Variants in RABGAP1L observed in about 807,000 individuals in gnomAD.
RABGAP1L encodes rab GTPase-activating protein 1-like.
Under a neutral mutation model 137.7 loss-of-function variants are expected in RABGAP1L, and 63 were observed. That is an observed-to-expected ratio of 0.46 (90% CI 0.37 to 0.56). RABGAP1L has a LOEUF of 0.56. RABGAP1L is among the 20% of genes least tolerant of loss of function. The probability of loss-of-function intolerance (pLI) is 0.00; values close to 1 mark genes in which losing one functional copy is unlikely to be tolerated. For missense variants in RABGAP1L, 1,095 were observed against 1,244.0 expected, an observed-to-expected ratio of 0.88 and a Z score of 1.80; for synonymous variants, 431 against 433.7, an observed-to-expected ratio of 0.99 and a Z score of 0.08.
Position 174,816,372 on chromosome 1 carries a change from C to A in RABGAP1L, c.2340+4412C>A, listed in dbSNP as rs528230326. On this transcript the variant is annotated intron_variant, in intron 19 of 25. Coordinates refer to ENST00000681986, the MANE Select transcript of RABGAP1L (RefSeq NM_001366446.1). ...TCTCCATCAGGCTAGTCTCATACTC[C>A]CGACCTCAGGTTATCCACCCCCCTT... is the stretch of plus-strand genomic sequence containing the variant. 5.8e-4 allele frequency among the ~76,000 whole-genome samples: 88 copies of A among 152,068 alleles called. 2 individuals carry two copies. The South Asian group carries it at 0.011, about 18-fold the overall frequency.
intron 19 of RABGAP1L, among the ~76,000 whole-genome samples, chr1:174,870,904 A>AT (rs1558171478): frequency 2.0e-5 from 3 of 151,500 alleles, no homozygotes; most frequent in Admixed American, 2.0e-4. Context: ...CACCCGGCTA[A>AT]TTTTTTTTAT....
chr1:174,854,956 T>C (rs1343473554), intron 19 of RABGAP1L, among the ~76,000 whole-genome samples: 1 of 151,902 alleles, frequency 6.6e-6, no homozygotes, highest in African/African-American at 2.4e-5. Flanking sequence ...CAGGCTGGTC[T>C]CGAACTCCTG....
intron 1 of RABGAP1L, among the ~76,000 whole-genome samples, chr1:174,208,503 T>C (rs1292687375): frequency 6.6e-6 from 1 of 152,078 alleles, no homozygotes; most frequent in Non-Finnish European, 1.5e-5. Context: ...GTTTTATGAG[T>C]GGATGTTGGA....
chr1:174,895,332 C>G (rs1320207760), intron 19 of RABGAP1L, among the ~76,000 whole-genome samples: 1 of 151,640 alleles, frequency 6.6e-6, no homozygotes, highest in East Asian at 1.9e-4. Context: ...CCTAGATAAT[C>G]TAGAAGGGGC....
chr1:174,878,549 ATT>A (rs1653548525), intron 19 of RABGAP1L, among the ~76,000 whole-genome samples: 1 of 152,162 alleles, frequency 6.6e-6, no homozygotes, highest in Non-Finnish European at 1.5e-5. Context: ...TTTAACTACA[ATT>A]GTAGTAACTT....
chr1:174,293,847 A>G (rs1676855946), intron 10 of RABGAP1L, among the ~76,000 whole-genome samples: 1 of 152,154 alleles, frequency 6.6e-6, no homozygotes, highest in Non-Finnish European at 1.5e-5. Context: ...TTGAATGAGT[A>G]TTATCTATTC....
intron 19 of RABGAP1L, among the ~76,000 whole-genome samples, chr1:174,910,178 GTAGTT>G (rs1558221552): frequency 6.6e-6 from 1 of 152,044 alleles, no homozygotes; most frequent in Non-Finnish European, 1.5e-5. Flanking sequence ...GATCAAAGCT[GTAGTT>G]TAAAGTCTCC....
chr1:174,164,826 A>G (rs1368611418), intron 1 of RABGAP1L, among the ~76,000 whole-genome samples: 2 of 152,248 alleles, frequency 1.3e-5, no homozygotes, highest in African/African-American at 4.8e-5. Flanking sequence ...AAATACAACT[A>G]GTTTAGCCTA....
intron 19 of RABGAP1L, among the ~76,000 whole-genome samples, chr1:174,886,371 G>A (rs1183535191): frequency 2.0e-5 from 3 of 152,192 alleles, no homozygotes; most frequent in Non-Finnish European, 2.9e-5. Context: ...TAATCAAATT[G>A]TAGTACTCAA....
chr1:174,678,904 T>A (rs954536850), intron 14 of RABGAP1L, among the ~76,000 whole-genome samples: 4 of 152,194 alleles, frequency 2.6e-5, no homozygotes, highest in African/African-American at 9.6e-5. Context: ...TCCGGAGGGA[T>A]GGAAGTCAGC....
chr1:174,893,715 T>C (rs1656650737), intron 19 of RABGAP1L, among the ~76,000 whole-genome samples: 1 of 152,166 alleles, frequency 6.6e-6, no homozygotes, highest in Non-Finnish European at 1.5e-5. Flanking sequence ...CTAATCAGGA[T>C]CTTGACAACT....
intron 24 of RABGAP1L, 111 bp from the exon 25 acceptor site, chr1:174,988,530 G>C: frequency 1.1e-6 from 1 of 920,560 alleles, no homozygotes; most frequent in Non-Finnish European, 1.5e-6. Context: ...CTTCAGAAAT[G>C]GGCCTGCATC....
rs560733493 is a variant in RABGAP1L, at chr1:174,628,940, A to G, written c.1711-8435A>G. ...TTCAGCCATATAAAAATAAAATATC[A>G]TAAGAAAGCCCTTAGCTCCAGATAT... On this transcript the variant is annotated intron_variant, in intron 13 of 25. Transcript: ENST00000681986. Among the ~76,000 whole-genome samples, 171 of 152,298 alleles carry G rather than the reference A, an allele frequency of 1.1e-3. 1 individual carries two copies. Among genetic ancestry groups the G allele is most frequent in the African/African-American group, 3.9e-3 (163 of 41,568 alleles).
intron 11 of RABGAP1L, among the ~76,000 whole-genome samples, chr1:174,348,906 C>T (rs555102046): frequency 1.3e-5 from 2 of 152,366 alleles, no homozygotes; most frequent in South Asian, 2.1e-4. Context: ...CCTTTCCCCG[C>T]CTTTCCCGCC....
intron 13 of RABGAP1L, 41 bp from the exon 14 acceptor site, chr1:174,637,334 G>A (rs371584808): frequency 7.1e-7 from 1 of 1,398,920 alleles, no homozygotes; most frequent in African/African-American, 1.4e-5. Flanking sequence ...TCATAACTGG[G>A]AAAAAATTTA....
chr1:174,242,736 G>A (rs1225930563), intron 5 of RABGAP1L, among the ~76,000 whole-genome samples: 1 of 152,186 alleles, frequency 6.6e-6, no homozygotes, highest in East Asian at 1.9e-4. Flanking sequence ...CCTTCTGAAA[G>A]AAGTTGAAGT....
At chr1:174,646,987 T>A (rs1675019009) in intron 14 of RABGAP1L, among the ~76,000 whole-genome samples, 1 of 152,036 alleles carries the variant, frequency 6.6e-6, no homozygotes, top group Non-Finnish European at 1.5e-5. Context: ...TGAATGGGAG[T>A]TTACTCATGA....
intron 19 of RABGAP1L, among the ~76,000 whole-genome samples, chr1:174,858,162 G>GC: frequency 1.3e-5 from 2 of 152,120 alleles, no homozygotes; most frequent in Admixed American, 1.3e-4. Flanking sequence ...ACAGGCATGT[G>GC]CCACCATGCC....
At chr1:174,187,916 T>A (rs1241885823) in intron 1 of RABGAP1L, among the ~76,000 whole-genome samples, 1 of 152,152 alleles carries the variant, frequency 6.6e-6, no homozygotes, top group African/African-American at 2.4e-5. Flanking sequence ...ATATAGATAA[T>A]TAAAACTAAA....
Sources: gnomAD v4.1 joint callset for allele counts (sites outside exome capture counted in the v4.1 genomes callset) on GRCh38, gnomAD v4.1.1 for gene constraint, MANE v1.5 for transcripts, NCBI Gene and HGNC (gene_info 2026-07-23, HGNC 2026-07-21) for gene names.